Variants in PRMT8 observed in about 807,000 individuals in gnomAD.
The protein encoded by PRMT8 is protein arginine N-methyltransferase 8.
PRMT8 carries 7 observed loss-of-function variants against 47.1 expected under a neutral mutation model. The ratio of observed to expected loss-of-function variants is 0.15; its 90% CI spans 0.08 to 0.28. The LOEUF is 0.28. PRMT8 is among the 10% of genes least tolerant of loss of function. The probability of loss-of-function intolerance (pLI) is 1.00; values close to 1 mark genes in which losing one functional copy is unlikely to be tolerated. For missense variants in PRMT8, 237 were observed against 505.4 expected, an observed-to-expected ratio of 0.47 and a Z score of 5.09; for synonymous variants, 188 against 186.5, an observed-to-expected ratio of 1.01 and a Z score of -0.07.
chr12:3,450,625 T>C (rs1864906313), intron 1 of PRMT8, among the ~76,000 whole-genome samples: 1 of 152,232 alleles, frequency 6.6e-6, no homozygotes, highest in Non-Finnish European at 1.5e-5. Flanking sequence ...AAATTGTTAA[T>C]TCAAGTAAAA....
intron 1 of PRMT8, among the ~76,000 whole-genome samples, chr12:3,395,095 TCTCG>T (rs1350411027): frequency 6.7e-6 from 1 of 150,020 alleles, no homozygotes. Flanking sequence ...ATTTGATTCT[TCTCG>T]CTTTTTTTCT....
chr12:3,582,956 G>T, intron 7 of PRMT8, 102 bp from the exon 8 acceptor site: 2 of 1,378,940 alleles, frequency 1.5e-6, no homozygotes, highest in Non-Finnish European at 2.0e-6. Flanking sequence ...ATCCCTCAGA[G>T]AGCTGACAGA....
intron 1 of PRMT8, among the ~76,000 whole-genome samples, chr12:3,389,644 T>A (rs899484350): frequency 2.6e-5 from 4 of 152,076 alleles, no homozygotes; most frequent in African/African-American, 9.7e-5. Flanking sequence ...GACACCATGA[T>A]CGGATGTGCT....
chr12:3,474,137 C>A (rs1407448751), intron 1 of PRMT8, among the ~76,000 whole-genome samples: 2 of 152,162 alleles, frequency 1.3e-5, no homozygotes, highest in Admixed American at 1.3e-4. Context: ...AGGGTAACCC[C>A]ACTGCCTTCA....
chr12:3,389,163 C>G (rs759805590), intron 1 of PRMT8, among the ~76,000 whole-genome samples: 1 of 152,054 alleles, frequency 6.6e-6, no homozygotes, highest in Non-Finnish European at 1.5e-5. Context: ...CTTGGGGGTA[C>G]CGAGAGATGG....
chr12:3,495,882 A>C (rs570771658), intron 1 of PRMT8, among the ~76,000 whole-genome samples: 1 of 152,282 alleles, frequency 6.6e-6, no homozygotes, highest in Non-Finnish European at 1.5e-5. Flanking sequence ...TATTCTGGGA[A>C]TCAAGGTGCT....
intron 8 of PRMT8, among the ~76,000 whole-genome samples, chr12:3,589,424 C>T (rs750855321): frequency 5.9e-5 from 9 of 152,172 alleles, no homozygotes; most frequent in East Asian, 3.9e-4. Flanking sequence ...ACACTGGACA[C>T]GGGGCTATTG....
At chr12:3,445,763 A>G (rs1486008355) in intron 1 of PRMT8, among the ~76,000 whole-genome samples, 5 of 152,184 alleles carry the variant, frequency 3.3e-5, no homozygotes, top group African/African-American at 1.2e-4. Context: ...GTGGCCCCAC[A>G]TACACATGCA....
At chr12:3,411,596 C>T (rs906650365) in intron 1 of PRMT8, among the ~76,000 whole-genome samples, 45 of 152,336 alleles carry the variant, frequency 3.0e-4, no homozygotes, top group Admixed American at 1.8e-3. Context: ...GTGTCCCCCA[C>T]ATTTCATGTT....
At chr12:3,398,202 T>G (rs1335270592) in intron 1 of PRMT8, among the ~76,000 whole-genome samples, 1 of 152,220 alleles carries the variant, frequency 6.6e-6, no homozygotes, top group Non-Finnish European at 1.5e-5. Flanking sequence ...AGACTGGAGC[T>G]GTTCCTATTC....
chr12:3,454,579 C>T (rs977543834), intron 1 of PRMT8, among the ~76,000 whole-genome samples: 20 of 152,002 alleles, frequency 1.3e-4, no homozygotes, highest in Admixed American at 6.6e-5. Context: ...CGGGCAAGAG[C>T]GGCATGTGGC....
chr12:3,387,926 A>G (rs938666753), intron 1 of PRMT8, among the ~76,000 whole-genome samples: 2 of 152,184 alleles, frequency 1.3e-5, no homozygotes, highest in African/African-American at 4.8e-5. Flanking sequence ...ACTAAGATAC[A>G]ATAACCACAC....
intron 4 of PRMT8, among the ~76,000 whole-genome samples, chr12:3,554,726 C>T (rs1267658988): frequency 6.6e-6 from 1 of 152,184 alleles, no homozygotes; most frequent in Admixed American, 6.5e-5. Context: ...AGTGTCCCTC[C>T]TGAGGGAGCC....
At chr12:3,491,806 T>G in intron 1 of PRMT8, 106 bp downstream of exon 1, 1 of 1,249,660 alleles carries the variant, frequency 8.0e-7, no homozygotes, top group Non-Finnish European at 1.1e-6. Flanking sequence ...CCCAGTTTCA[T>G]CCCGCTCGCT....
intron 1 of PRMT8, among the ~76,000 whole-genome samples, chr12:3,397,847 G>C (rs992751924): frequency 1.3e-5 from 2 of 152,296 alleles, no homozygotes; most frequent in Admixed American, 6.5e-5. Context: ...AGACTGCTGT[G>C]CTAGCAATCA....
intron 8 of PRMT8, among the ~76,000 whole-genome samples, chr12:3,584,146 G>T (rs1867123876): frequency 6.6e-6 from 1 of 152,196 alleles, no homozygotes; most frequent in Non-Finnish European, 1.5e-5. Context: ...CAGCAGGGTG[G>T]ATTTCTGGTG....
At chr12:3,554,623 G>A (rs764032069) in intron 4 of PRMT8, among the ~76,000 whole-genome samples, 4 of 152,238 alleles carry the variant, frequency 2.6e-5, no homozygotes, top group Non-Finnish European at 4.4e-5. Flanking sequence ...AGTTCCAAAA[G>A]GTGGGAAGGC....
At chr12:3,507,315 G>A (rs1030817492) in intron 1 of PRMT8, among the ~76,000 whole-genome samples, 6 of 151,866 alleles carry the variant, frequency 4.0e-5, no homozygotes, top group Non-Finnish European at 8.8e-5. Context: ...TAGAGATGGC[G>A]TTTCACCGTG....
intron 4 of PRMT8, among the ~76,000 whole-genome samples, chr12:3,558,992 GTCTA>G (rs1565441439): frequency 2.6e-5 from 2 of 77,188 alleles, no homozygotes; most frequent in Non-Finnish European, 4.9e-5. Context: ...CTATCTATCT[GTCTA>G]TCTATCCTGT....
Sources: allele counts gnomAD v4.1 joint callset (sites outside exome capture counted in the v4.1 genomes callset), GRCh38; gene constraint gnomAD v4.1.1; transcripts MANE v1.5; gene names NCBI Gene and HGNC (gene_info 2026-07-23, HGNC 2026-07-21).